FAM162B: variants seen among roughly 807,000 people sequenced by gnomAD.
FAM162B encodes the protein family with sequence similarity 162 member B, also known as protein FAM162B.
In FAM162B, 16 loss-of-function variants were observed where a neutral mutation model predicts 20.0. That is an observed-to-expected ratio of 0.80 (90% CI 0.54 to 1.21). FAM162B has a LOEUF of 1.21. Among genes scored for constraint, FAM162B ranks in the 50% most tolerant of loss-of-function variants. FAM162B has a pLI of 0.00. For synonymous variants in FAM162B, 83 were observed against 89.7 expected, an observed-to-expected ratio of 0.93 and a Z score of 0.42; for missense variants, 260 against 227.5, an observed-to-expected ratio of 1.14 and a Z score of -0.92.
intron 3 of FAM162B, among the ~76,000 whole-genome samples, chr6:116,759,178 T>G (rs1048562986): frequency 1.3e-5 from 2 of 152,022 alleles, no homozygotes; most frequent in Non-Finnish European, 2.9e-5. Context: ...TTGTGGCCAC[T>G]GGTAGTGTTT....
Position 116,765,653 on chromosome 6 carries a change from C to T in FAM162B, c.-77G>A, listed in dbSNP as rs1771902663. ...GTTGTCCCCGCAGCTCTCCTCGTCC[C>T]GCCCCGGCCTGCCGCGCGCTGGAGA... is the stretch of plus-strand genomic sequence containing the variant. On this transcript the variant is annotated 5_prime_UTR_variant, in exon 1 of 4. Coordinates refer to ENST00000368557, the MANE Select transcript of FAM162B (RefSeq NM_001085480.3). 1.6e-6 allele frequency: 2 copies of T among 1,243,502 alleles called. No individual in the cohort carries two copies. The highest frequency in any genetic ancestry group is 7.5e-5 in the South Asian group (2 of 26,732). The allele number at this position is 1,243,502 out of a possible 1,614,324, so 77.0% of individuals were successfully genotyped here. A position where few individuals can be genotyped will look rare whatever the true frequency, so the allele number is the denominator to read the frequency against.
Position 116,762,050 on chromosome 6 carries a change from C to A in FAM162B, c.317G>T (p.Arg106Leu). The A allele has an allele frequency of 1.3e-6, 2 of 1,596,080 alleles. No individual in the cohort carries two copies. Among genetic ancestry groups the A allele is most frequent in the South Asian group, 1.1e-5 (1 of 89,046 alleles). ...AATCATTATGTAACAAGCTTTCACTCGAGCTTTGTTTCTTGCGGTGTCTAT... is the reference window on the plus strand; with the variant it reads ...AATCATTATGTAACAAGCTTTCACTAGAGCTTTGTTTCTTGCGGTGTCTAT... Reference protein sequence around the residue: ...EMIDTARNKARVKACYIMIGL... With the variant: ...EMIDTARNKALVKACYIMIGL... Residue 106 changes from arginine (R) to leucine (L), a missense_variant, in exon 3 of 4, where the codon CGA becomes CTA. Coordinates refer to ENST00000368557, the MANE Select transcript of FAM162B (RefSeq NM_001085480.3).
chr6:116,759,307 T>A (rs1043151497), intron 3 of FAM162B, among the ~76,000 whole-genome samples: 15 of 150,626 alleles, frequency 1.0e-4, no homozygotes, highest in South Asian at 2.1e-4. Flanking sequence ...TTCTTTTTTT[T>A]TTTTTTTTTA....
intron 3 of FAM162B, among the ~76,000 whole-genome samples, chr6:116,753,413 T>C (rs1780013964): frequency 6.6e-6 from 1 of 152,136 alleles, no homozygotes; most frequent in African/African-American, 2.4e-5. Flanking sequence ...AATAGATGTA[T>C]ATTGGTATCT....
At chr6:116,764,952 CTTAA>C (rs917884820) in intron 2 of FAM162B, among the ~76,000 whole-genome samples, 191 bp downstream of exon 2, 2 of 152,186 alleles carry the variant, frequency 1.3e-5, no homozygotes, top group Non-Finnish European at 2.9e-5. Flanking sequence ...TCCCTGTAAG[CTTAA>C]TTGACTCTTG....
In FAM162B at chr6:116,752,577, A is replaced by G; in HGVS notation, c.*20T>C. On this transcript the variant is annotated 3_prime_UTR_variant, in exon 4 of 4. Coordinates refer to ENST00000368557, the MANE Select transcript of FAM162B (RefSeq NM_001085480.3). ...GATGACAGGGATGGTATTCAGGTGA[A>G]CACTTTGTCACTTAGAATATCATTT... 1.4e-6 allele frequency: 2 copies of G among 1,458,254 alleles called. No individual in the cohort carries two copies. Among genetic ancestry groups the G allele is most frequent in the South Asian group, 1.3e-5 (1 of 76,536 alleles). 90.3% of individuals were successfully genotyped at this position (1,458,254 alleles called of 1,614,324 possible). A position where few individuals can be genotyped will look rare whatever the true frequency, so the allele number is the denominator to read the frequency against.
At chr6:116,759,191 A>G (rs908828547) in intron 3 of FAM162B, among the ~76,000 whole-genome samples, 8 of 151,954 alleles carry the variant, frequency 5.3e-5, no homozygotes, top group African/African-American at 1.9e-4. Flanking sequence ...TAGTGTTTAA[A>G]AGTTGCCTTT....
At chr6:116,762,987 T>C (rs766229357) in intron 2 of FAM162B, among the ~76,000 whole-genome samples, 1 of 152,080 alleles carries the variant, frequency 6.6e-6, no homozygotes, top group African/African-American at 2.4e-5. Context: ...TGTAGTTACA[T>C]TGAAAAAAAA....
At chr6:116,763,818 A>C (rs1200494274) in intron 2 of FAM162B, among the ~76,000 whole-genome samples, 2 of 151,032 alleles carry the variant, frequency 1.3e-5, no homozygotes, top group Non-Finnish European at 3.0e-5. Flanking sequence ...TATAGTATTA[A>C]ATTTTCAGGC....
intron 3 of FAM162B, among the ~76,000 whole-genome samples, chr6:116,759,308 T>A (rs181750000): frequency 3.3e-4 from 49 of 149,380 alleles, no homozygotes; most frequent in South Asian, 2.5e-3. Context: ...TCTTTTTTTT[T>A]TTTTTTTTAT....
At chr6:116,754,572 C>T (rs2114546742) in intron 3 of FAM162B, among the ~76,000 whole-genome samples, 1 of 152,240 alleles carries the variant, frequency 6.6e-6, no homozygotes, top group South Asian at 2.1e-4. Flanking sequence ...GAGAATCCTC[C>T]TCTATGTCAG....
chr6:116,756,211 A>G (rs1366188133), intron 3 of FAM162B, among the ~76,000 whole-genome samples: 1 of 152,198 alleles, frequency 6.6e-6, no homozygotes, highest in Non-Finnish European at 1.5e-5. Context: ...TGTGAATCAT[A>G]GGAAGAGGTC....
intron 3 of FAM162B, among the ~76,000 whole-genome samples, chr6:116,758,389 T>A (rs1780077469): frequency 6.6e-6 from 1 of 152,242 alleles, no homozygotes; most frequent in African/African-American, 2.4e-5. Context: ...CTGCAAATTC[T>A]GCCTTTTTGT....
chr6:116,759,869 C>T (rs547967328), intron 3 of FAM162B, among the ~76,000 whole-genome samples: 72 of 152,218 alleles, frequency 4.7e-4, no homozygotes, highest in African/African-American at 1.6e-3. Flanking sequence ...TTTGCACATG[C>T]TGTTCTTTCC....
At chr6:116,759,542 T>C (rs1429806502) in intron 3 of FAM162B, among the ~76,000 whole-genome samples, 4 of 151,814 alleles carry the variant, frequency 2.6e-5, no homozygotes, top group Admixed American at 6.6e-5. Flanking sequence ...TTCCTGACCT[T>C]GTGATCCGCC....
At chr6:116,764,506 T>C (rs962584557) in intron 2 of FAM162B, among the ~76,000 whole-genome samples, 2 of 152,068 alleles carry the variant, frequency 1.3e-5, no homozygotes, top group African/African-American at 4.8e-5. Context: ...GAGGGGGAGT[T>C]ATTAGTTTGA....
rs758853347 is a variant in FAM162B, at chr6:116,752,639, C to A, written c.447G>T (p.Trp149Cys). ...GTGCAGCCAATGCAGCTTCTTCACG[C>A]CACTTAGCTTTCTTTGCCAAGTTCC... The part of the protein sequence containing the change: ...TSWNLAKKAK[W>C]REEAALAAQA... The change falls in exon 4 of 4, where the codon TGG (tryptophan) becomes TGT (cysteine). Residue 149 changes from tryptophan (W) to cysteine (C), a missense_variant. Trp to Cys is a radical substitution (Grantham distance 215, BLOSUM62 -2). Coordinates refer to ENST00000368557, the MANE Select transcript of FAM162B (RefSeq NM_001085480.3). 3.8e-6 allele frequency: 6 copies of A among 1,593,756 alleles called. No homozygotes were observed. In the Admixed American group the frequency reaches 5.0e-5, roughly 13 times the overall value.
Position 116,765,394 on chromosome 6 carries a change from C to A in FAM162B, c.172+11G>T, listed in dbSNP as rs1161128432. ...CCCTCCCAGGACCTCCCCGTCGGAG[C>A]CCTGGCTCACCGTGACCTTGGGGCC... On this transcript the variant is annotated intron_variant, in intron 1 of 3. Transcript: ENST00000368557. 3.4e-6 allele frequency: 5 copies of A among 1,474,612 alleles called. No individual in the cohort carries two copies. Among genetic ancestry groups the A allele is most frequent in the Non-Finnish European group, 4.5e-6 (5 of 1,110,066 alleles). The allele number at this position is 1,474,612 out of a possible 1,614,324, so 91.3% of individuals were successfully genotyped here.
At chr6:116,758,462 A>G (rs1275940119) in intron 3 of FAM162B, among the ~76,000 whole-genome samples, 1 of 152,156 alleles carries the variant, frequency 6.6e-6, no homozygotes, top group Admixed American at 6.5e-5. Context: ...GCTCCTTATA[A>G]TTTAAGAAAA....
Sources: allele counts gnomAD v4.1 joint callset (sites outside exome capture counted in the v4.1 genomes callset), GRCh38; gene constraint gnomAD v4.1.1; transcripts MANE v1.5; gene names NCBI Gene and HGNC (gene_info 2026-07-23, HGNC 2026-07-21).